Variants in HAND1 observed in about 807,000 individuals in gnomAD.
HAND1 encodes the protein heart and neural crest derivatives expressed 1.
HAND1 carries 10 observed loss-of-function variants against 14.5 expected under a neutral mutation model. That is an observed-to-expected ratio of 0.69 (90% CI 0.42 to 1.17). The LOEUF is 1.17. HAND1 is among the 50% of genes most tolerant of loss of function. The pLI is 0.00. For missense variants in HAND1, 299 were observed against 298.4 expected, an observed-to-expected ratio of 1.00 and a Z score of -0.01; for synonymous variants, 128 against 127.1, an observed-to-expected ratio of 1.01 and a Z score of -0.05.
rs1480967436 is a variant in HAND1, at chr5:154,475,500, T to C, written c.*306A>G. Reference sequence around the variant, plus strand: ...CCAAAAGGGTGGAAGAGTGCGTCTTTGAGCCCTTGGGTTCGACAGTCCCTC... The same window carrying C: ...CCAAAAGGGTGGAAGAGTGCGTCTTCGAGCCCTTGGGTTCGACAGTCCCTC... On this transcript the variant is annotated 3_prime_UTR_variant, in exon 2 of 2. Coordinates refer to ENST00000231121, the MANE Select transcript of HAND1 (RefSeq NM_004821.3). 2.3e-6 allele frequency: 1 copy of C among 436,126 alleles called. No individual in the cohort carries two copies. Among genetic ancestry groups the C allele is most frequent in the African/African-American group, 2.0e-5 (1 of 49,950 alleles). The allele number at this position is 436,126 out of a possible 1,614,324, so 27.0% of individuals were successfully genotyped here.
At chr5:154,477,255 C>T (rs1023960903) in intron 1 of HAND1, among the ~76,000 whole-genome samples, 6 of 152,202 alleles carry the variant, frequency 3.9e-5, no homozygotes, top group East Asian at 3.8e-4. Flanking sequence ...CTCAGTATTA[C>T]AAACACTCTC....
At chr5:154,476,046 A>T in intron 1 of HAND1, 136 bp from the exon 2 acceptor site, 1 of 738,206 alleles carries the variant, frequency 1.4e-6, no homozygotes, top group Non-Finnish European at 2.5e-6. Context: ...TAAATAAGTG[A>T]CGGATTTCTG....
chr5:154,475,516 A>T lies in HAND1; in HGVS notation c.*290T>A, dbSNP rs1757526567. 2 of 463,828 alleles carry T rather than the reference A, an allele frequency of 4.3e-6. No individual in the cohort carries two copies. The highest frequency in any genetic ancestry group is 7.9e-6 in the Non-Finnish European group (2 of 252,860). The allele number at this position is 463,828 out of a possible 1,614,324, so 28.7% of individuals were successfully genotyped here. A position where few individuals can be genotyped will look rare whatever the true frequency, so the allele number is the denominator to read the frequency against. ...GTGCGTCTTTGAGCCCTTGGGTTCG[A>T]CAGTCCCTCCTTCTTGCATGTTGCC... On this transcript the variant is annotated 3_prime_UTR_variant, in exon 2 of 2. Transcript: ENST00000231121.
rs979090975 is a variant in HAND1, at chr5:154,478,203, G to A, written c.-195C>T. ...TTCTGCCGCGGGCGAGGTCGCCGAAGCCCAAAGACCTGTTTAACCCTTCTG... is the reference window on the plus strand; with the variant it reads ...TTCTGCCGCGGGCGAGGTCGCCGAAACCCAAAGACCTGTTTAACCCTTCTG... On this transcript the variant is annotated 5_prime_UTR_variant, in exon 1 of 2. Coordinates refer to ENST00000231121, the MANE Select transcript of HAND1 (RefSeq NM_004821.3). The surrounding 1 kb of genome is among the most constrained non-coding windows in gnomAD (Gnocchi z 4.5). The A allele has an allele frequency of 4.7e-6, 3 of 642,744 alleles. No individual in the cohort carries two copies. Among genetic ancestry groups the A allele is most frequent in the Non-Finnish European group, 8.1e-6 (3 of 368,732 alleles). The allele number at this position is 642,744 out of a possible 1,614,324, so 39.8% of individuals were successfully genotyped here.
Position 154,478,223 on chromosome 5 carries a change from C to A in HAND1, c.-215G>T. Reference sequence around the variant, plus strand: ...CCGAAGCCCAAAGACCTGTTTAACCCTTCTGCGGACTCCCCTGCGGATCTG... The same window carrying A: ...CCGAAGCCCAAAGACCTGTTTAACCATTCTGCGGACTCCCCTGCGGATCTG... On this transcript the variant is annotated 5_prime_UTR_variant, in exon 1 of 2. The change creates a new upstream start codon in the 5' untranslated region. Coordinates refer to ENST00000231121, the MANE Select transcript of HAND1 (RefSeq NM_004821.3). The surrounding 1 kb of genome is among the most constrained non-coding windows in gnomAD (Gnocchi z 4.5). 1 of 602,854 alleles carries A rather than the reference C, an allele frequency of 1.7e-6. No individual in the cohort carries two copies. Among genetic ancestry groups the A allele is most frequent in the East Asian group, 2.8e-5 (1 of 35,988 alleles). 37.3% of individuals were successfully genotyped at this position (602,854 alleles called of 1,614,324 possible).
rs34198899 is a variant in HAND1, at chr5:154,477,478, C to G, written c.531G>C (p.Arg177=). ...CCCCAGGACTCACCAGCTCCCTTTT[C>G]CGCTTGCTCTCACGGCCGCCATCCG... ...KKADGGRESK[R]KRELQQHEGF... is the part of the protein sequence containing the mutation. The change falls in exon 1 of 2, where the codon CGG becomes CGC. Residue 177 remains arginine, a synonymous_variant. Transcript: ENST00000231121. 0.055 allele frequency: 88,362 copies of G among 1,613,830 alleles called. 2,753 individuals are homozygous for G. Among genetic ancestry groups the G allele is most frequent in the Non-Finnish European group, 0.062 (72,682 of 1,179,748 alleles).
chr5:154,477,781 G>A lies in HAND1; in HGVS notation c.228C>T (p.Ala76=), dbSNP rs1757570579. The change falls in exon 1 of 2, where the codon GCC becomes GCT. Residue 76 remains alanine (A), a synonymous_variant. Coordinates refer to ENST00000231121, the MANE Select transcript of HAND1 (RefSeq NM_004821.3). ...AAAATAYGPD[A]RPGQSPGRLE... is the part of the protein sequence containing the mutation. ...GCCGCCCGGGGCTCTGCCCAGGCCT[G>A]GCGTCAGGACCATAGGCGGTGGCGG... The A allele has an allele frequency of 1.9e-6, 3 of 1,600,260 alleles. No individual in the cohort carries two copies. The highest frequency in any genetic ancestry group is 2.7e-5 in the African/African-American group (2 of 74,724).
At chr5:154,476,029 G>C in intron 1 of HAND1, 119 bp from the exon 2 acceptor site, 1 of 767,792 alleles carries the variant, frequency 1.3e-6, no homozygotes, top group Non-Finnish European at 2.3e-6. Flanking sequence ...CAGTAACTGG[G>C]AGTCTTTAAA....
Position 154,477,732 on chromosome 5 carries a change from C to G in HAND1, c.277G>C (p.Gly93Arg). The part of the protein sequence containing the change: ...GRLEALGGRL[G>R]RRKGSGPKKE... ...TTGGGTCCTGAGCCTTTCCGCCGGCCAAGACGGCCGCCAAGCGCCTCCAGC... is the reference window on the plus strand; with the variant it reads ...TTGGGTCCTGAGCCTTTCCGCCGGCGAAGACGGCCGCCAAGCGCCTCCAGC... Residue 93 changes from glycine to arginine, a missense_variant, in exon 1 of 2, where the codon GGC becomes CGC. By Grantham distance (125) the Gly-to-Arg change is moderately radical. Coordinates refer to ENST00000231121, the MANE Select transcript of HAND1 (RefSeq NM_004821.3). 6.2e-7 allele frequency: 1 copy of G among 1,612,850 alleles called. No individual in the cohort carries two copies. Among genetic ancestry groups the G allele is most frequent in the South Asian group, 1.1e-5 (1 of 91,066 alleles).
At chr5:154,476,125 C>A (rs1344313200) in intron 1 of HAND1, among the ~76,000 whole-genome samples, 3 of 152,128 alleles carry the variant, frequency 2.0e-5, no homozygotes, top group Non-Finnish European at 4.4e-5. Context: ...CCGGGATGGG[C>A]TGGGCAGCTT....
chr5:154,476,030 A>G, intron 1 of HAND1, 120 bp from the exon 2 acceptor site: 1 of 764,706 alleles, frequency 1.3e-6, no homozygotes. Context: ...AGTAACTGGG[A>G]GTCTTTAAAT....
rs1419800202 is a variant in HAND1 at position 154,477,703 on chromosome 5, C to T, written c.306G>A (p.Lys102=). ...TAATGCTCTCAGTGCGTCTCCGCTC[C>T]TTCTTGGGTCCTGAGCCTTTCCGCC... ...LGRRKGSGPK[K]ERRRTESINS... The change falls in exon 1 of 2, where the codon AAG becomes AAA. Residue 102 remains lysine (K), a synonymous_variant. Transcript: ENST00000231121. 6.2e-7 allele frequency: 1 copy of T among 1,614,158 alleles called. No homozygotes were observed.
chr5:154,477,322 C>T, intron 1 of HAND1, 144 bp downstream of exon 1: 1 of 714,976 alleles, frequency 1.4e-6, no homozygotes, highest in Admixed American at 2.0e-5. Context: ...CAGGATCGCA[C>T]GCTGTGACCA....
Position 154,475,613 on chromosome 5 carries a change from A to C in HAND1, c.*193T>G, listed in dbSNP as rs1479563437. The C allele has an allele frequency of 6.6e-6, 4 of 608,262 alleles. No individual in the cohort carries two copies. The highest frequency in any genetic ancestry group is 1.2e-5 in the Non-Finnish European group (4 of 339,720). The allele number at this position is 608,262 out of a possible 1,614,324, so 37.7% of individuals were successfully genotyped here. A position where few individuals can be genotyped will look rare whatever the true frequency, so the allele number is the denominator to read the frequency against. On this transcript the variant is annotated 3_prime_UTR_variant, in exon 2 of 2. Coordinates refer to ENST00000231121, the MANE Select transcript of HAND1 (RefSeq NM_004821.3). ...TCTCTTTCTCTTAATGTATTAAAAA[A>C]AATCAAAGGACATTGCACGTGCGAT...
intron 1 of HAND1, among the ~76,000 whole-genome samples, 190 bp from the exon 2 acceptor site, chr5:154,476,100 C>T (rs1442447792): frequency 6.6e-6 from 1 of 152,078 alleles, no homozygotes; most frequent in Non-Finnish European, 1.5e-5. Flanking sequence ...CCTTTATGCG[C>T]GGAGTTCCTG....
chr5:154,476,877 G>A lies in HAND1; in HGVS notation c.543+589C>T, dbSNP rs542075370. On this transcript the variant is annotated intron_variant, in intron 1 of 1. Transcript: ENST00000231121. ...ATTTACATGCAAAGCCACTGAAGTC[G>A]TCCTCAGAACCAGTCCATGGGGAGA... Among the ~76,000 whole-genome samples the A allele has an allele frequency of 4.6e-5, 7 of 152,334 alleles. No homozygotes were observed. The South Asian group carries it at 1.0e-3, about 23-fold the overall frequency.
chr5:154,475,923 A>C lies in HAND1; in HGVS notation c.544-13T>G, dbSNP rs371697798. The C allele has an allele frequency of 1.2e-6, 2 of 1,605,334 alleles. No homozygotes were observed. Among genetic ancestry groups the C allele is most frequent in the Non-Finnish European group, 8.5e-7 (1 of 1,171,978 alleles). ...CTTCGTGCTGCTGCTGCCAAAGGAC[A>C]CACAGAAGAAAAGAGGCGGGAGAGA... is the stretch of plus-strand genomic sequence containing the variant. On this transcript the variant is annotated splice_polypyrimidine_tract_variant and intron_variant, in intron 1 of 1. Coordinates refer to ENST00000231121, the MANE Select transcript of HAND1 (RefSeq NM_004821.3).
intron 1 of HAND1, among the ~76,000 whole-genome samples, chr5:154,477,262 T>C (rs1184547244): frequency 6.6e-6 from 1 of 152,096 alleles, no homozygotes; most frequent in Admixed American, 6.5e-5. Context: ...TTACAAACAC[T>C]CTCCCGTATT....
At chr5:154,476,015 G>C (rs1023004143) in intron 1 of HAND1, 105 bp from the exon 2 acceptor site, 29 of 828,486 alleles carry the variant, frequency 3.5e-5, no homozygotes, top group Non-Finnish European at 5.4e-5. Context: ...GAAGGTGTCG[G>C]GAGCAGTAAC....
Sources: gnomAD v4.1 joint callset for allele counts (sites outside exome capture counted in the v4.1 genomes callset) on GRCh38, gnomAD v4.1.1 for gene constraint, Gnocchi (gnomAD v3.1) non-coding constraint, MANE v1.5 for transcripts, NCBI Gene and HGNC (gene_info 2026-07-23, HGNC 2026-07-21) for gene names.